CAMTA1: variants seen among roughly 807,000 people sequenced by gnomAD.
The protein encoded by CAMTA1 is calmodulin binding transcription activator 1.
In CAMTA1, 27 loss-of-function variants were observed where a neutral mutation model predicts 170.9. The observed-to-expected ratio is 0.16, with a 90% CI of 0.12 to 0.22. The LOEUF is 0.22. Among genes scored for constraint, CAMTA1 ranks in the 10% least tolerant of loss-of-function variants. The pLI is 1.00. For missense variants in CAMTA1, 1,619 were observed against 2,217.2 expected, an observed-to-expected ratio of 0.73 and a Z score of 5.42; for synonymous variants, 833 against 891.5, an observed-to-expected ratio of 0.93 and a Z score of 1.17.
At chr1:7,480,055 A>G (rs1017298029) in intron 6 of CAMTA1, among the ~76,000 whole-genome samples, 3 of 150,646 alleles carry the variant, frequency 2.0e-5, no homozygotes, top group Non-Finnish European at 4.4e-5. Context: ...GTGAGTCCGT[A>G]TGAGTGTGTT....
chr1:7,289,078 G>C (rs1342980425), intron 5 of CAMTA1, among the ~76,000 whole-genome samples: 4 of 152,112 alleles, frequency 2.6e-5, no homozygotes, highest in Non-Finnish European at 4.4e-5. Context: ...AGGAGGAAGA[G>C]AGGGGAGGGA....
rs368051446 is a variant in CAMTA1 at position 7,257,140 on chromosome 1, G to A, written c.438+7514G>A. Among the ~76,000 whole-genome samples, 11 of 150,940 alleles carry A rather than the reference G, an allele frequency of 7.3e-5. No homozygotes were observed. In the East Asian group the frequency reaches 1.9e-3, roughly 27 times the overall value. ...GAACACAGATTTTCAGTCTTCTTAA[G>A]GCTCTCTCTTCCCTAACTACAGCCA... is the stretch of plus-strand genomic sequence containing the variant. On this transcript the variant is annotated intron_variant, in intron 5 of 22. Coordinates refer to ENST00000303635, the MANE Select transcript of CAMTA1 (RefSeq NM_015215.4).
At chr1:6,950,023 C>T (rs933516619) in intron 3 of CAMTA1, among the ~76,000 whole-genome samples, 8 of 152,238 alleles carry the variant, frequency 5.3e-5, no homozygotes, top group Admixed American at 5.2e-4. Flanking sequence ...GATTCCAGGC[C>T]CCATGCAGGC....
At chr1:7,557,952 C>T (rs953661991) in intron 6 of CAMTA1, among the ~76,000 whole-genome samples, 1 of 152,198 alleles carries the variant, frequency 6.6e-6, no homozygotes, top group South Asian at 2.1e-4. Context: ...CCACCAGCCC[C>T]GTGAGCATCT....
intron 3 of CAMTA1, among the ~76,000 whole-genome samples, chr1:7,040,100 T>C (rs895089892): frequency 6.6e-6 from 1 of 152,096 alleles, no homozygotes; most frequent in Admixed American, 6.6e-5. Context: ...TTTTCTTTTT[T>C]TGGGTGGCAA....
chr1:7,506,874 TACTA>T (rs1194793743), intron 6 of CAMTA1, among the ~76,000 whole-genome samples: 1 of 151,808 alleles, frequency 6.6e-6, no homozygotes, highest in Non-Finnish European at 1.5e-5. Flanking sequence ...CTCGCTTTCA[TACTA>T]ACACTCAAAA....
At chr1:7,076,253 G>GA (rs371356585) in intron 3 of CAMTA1, among the ~76,000 whole-genome samples, 1 of 152,036 alleles carries the variant, frequency 6.6e-6, no homozygotes, top group African/African-American at 2.4e-5. Flanking sequence ...CACAGGACTG[G>GA]AAAAAAAATT....
At chr1:7,470,871 T>A (rs2093317782) in intron 6 of CAMTA1, among the ~76,000 whole-genome samples, 1 of 152,204 alleles carries the variant, frequency 6.6e-6, no homozygotes, top group African/African-American at 2.4e-5. Context: ...CGTCTGCCTA[T>A]GTTGGCCTCG....
In CAMTA1 at chr1:6,965,618, TTA is replaced by T. The variant is rs1441887167; in HGVS notation, c.235-125685_235-125684del. Among the ~76,000 whole-genome samples the T allele has an allele frequency of 6.6e-6, 1 of 152,130 alleles. No individual in the cohort carries two copies. Among genetic ancestry groups the T allele is most frequent in the East Asian group, 1.9e-4 (1 of 5,180 alleles). Reference sequence around the variant, plus strand: ...GGAAAAAAAATGGACGTGCCGCCTGTTAGCTAATCAACAGTGAGGAGAAAGTC... The same window carrying T: ...GGAAAAAAAATGGACGTGCCGCCTGTGCTAATCAACAGTGAGGAGAAAGTC... On this transcript the variant is annotated intron_variant, in intron 3 of 22. Coordinates refer to ENST00000303635, the MANE Select transcript of CAMTA1 (RefSeq NM_015215.4). The surrounding 1 kb of genome is among the most constrained non-coding windows in gnomAD (Gnocchi z 4.1).
At chr1:7,027,218 T>C (rs893595213) in intron 3 of CAMTA1, among the ~76,000 whole-genome samples, 1 of 152,142 alleles carries the variant, frequency 6.6e-6, no homozygotes, top group Admixed American at 6.5e-5. Context: ...AAAAGAAATG[T>C]CTTCGGTTTG....
intron 3 of CAMTA1, among the ~76,000 whole-genome samples, chr1:6,977,697 T>C (rs1339859144): frequency 6.6e-6 from 1 of 152,096 alleles, no homozygotes; most frequent in Non-Finnish European, 1.5e-5. Context: ...GCCCACTGGG[T>C]AGATTGGGTG....
chr1:6,940,389 C>A (rs1467485769), intron 3 of CAMTA1, among the ~76,000 whole-genome samples: 1 of 152,040 alleles, frequency 6.6e-6, no homozygotes, highest in African/African-American at 2.4e-5. Flanking sequence ...CCTCACCTTT[C>A]TGCTCTACTC....
At chr1:7,470,327 G>A (rs1419857430) in intron 6 of CAMTA1, among the ~76,000 whole-genome samples, 1 of 152,258 alleles carries the variant, frequency 6.6e-6, no homozygotes, top group South Asian at 2.1e-4. Flanking sequence ...GCCGCTCAGG[G>A]CAATTTGTTC....
Position 7,642,989 on chromosome 1 carries a change from AGGCCTGCAG to A in CAMTA1, c.664+2438_664+2446del, listed in dbSNP as rs2095776780. Among the ~76,000 whole-genome samples, 1 of 152,078 alleles carries A rather than the reference AGGCCTGCAG, an allele frequency of 6.6e-6. No homozygotes were observed. Among genetic ancestry groups the A allele is most frequent in the African/African-American group, 2.4e-5 (1 of 41,330 alleles). ...AAGCTGCCATGGCTGAGTGCACTCC[AGGCCTGCAG>A]GAAGTAGCCTGGAACCTCCTTTCTG... On this transcript the variant is annotated intron_variant, in intron 7 of 22. Coordinates refer to ENST00000303635, the MANE Select transcript of CAMTA1 (RefSeq NM_015215.4). This position sits in a 1 kb window ranked among gnomAD's most constrained non-coding sequence, Gnocchi z 6.3.
In CAMTA1 at chr1:7,682,651, T is replaced by A. The variant is rs2096219693; in HGVS notation, c.2914+4918T>A. On this transcript the variant is annotated intron_variant, in intron 11 of 22. Coordinates refer to ENST00000303635, the MANE Select transcript of CAMTA1 (RefSeq NM_015215.4). This position sits in a 1 kb window ranked among gnomAD's most constrained non-coding sequence, Gnocchi z 5.0. ...CACACACTGTCCCAGAGTCCAGGGG[T>A]ACATTCCAGGGACAGTGGGAAAGGC... Among the ~76,000 whole-genome samples the A allele has an allele frequency of 6.6e-6, 1 of 152,032 alleles. No homozygotes were observed. Among genetic ancestry groups the A allele is most frequent in the East Asian group, 1.9e-4 (1 of 5,164 alleles).
Position 7,732,398 on chromosome 1 carries a change from C to T in CAMTA1, c.2915-50C>T, listed in dbSNP as rs1197502877. The T allele has an allele frequency of 1.3e-6, 2 of 1,566,978 alleles. No individual in the cohort carries two copies. The highest frequency in any genetic ancestry group is 2.2e-5 in the East Asian group (1 of 44,574). ...CAAGGCTGGCGAGGCCACGTGTTGA[C>T]TGCTTTTCTTCCAGAACACAACCTC... On this transcript the variant is annotated intron_variant, in intron 11 of 22. Coordinates refer to ENST00000303635, the MANE Select transcript of CAMTA1 (RefSeq NM_015215.4). The surrounding 1 kb of genome is among the most constrained non-coding windows in gnomAD (Gnocchi z 4.1).
intron 1 of CAMTA1, among the ~76,000 whole-genome samples, chr1:6,802,078 A>G (rs114781881): frequency 1.0e-3 from 153 of 152,328 alleles, no homozygotes; most frequent in African/African-American, 3.5e-3. Context: ...AAGTGAAAGC[A>G]GTTTTAGTCT....
At chr1:7,013,359 T>C (rs1160374777) in intron 3 of CAMTA1, among the ~76,000 whole-genome samples, 1 of 151,824 alleles carries the variant, frequency 6.6e-6, no homozygotes, top group African/African-American at 2.4e-5. Flanking sequence ...ATTACAGAAG[T>C]GTACCACCAT....
chr1:7,205,318 A>G (rs1203571091), intron 4 of CAMTA1, among the ~76,000 whole-genome samples: 1 of 151,184 alleles, frequency 6.6e-6, no homozygotes, highest in Non-Finnish European at 1.5e-5. Context: ...GGTCAGGCTG[A>G]TCTTGAACTC....
Sources: gnomAD v4.1 joint callset for allele counts (sites outside exome capture counted in the v4.1 genomes callset) on GRCh38, gnomAD v4.1.1 for gene constraint, Gnocchi (gnomAD v3.1) non-coding constraint, MANE v1.5 for transcripts, NCBI Gene and HGNC (gene_info 2026-07-23, HGNC 2026-07-21) for gene names.